The following TRPM8 variants were observed in gnomAD, a reference collection of about 807,000 sequenced individuals.
TRPM8 encodes transient receptor potential cation channel subfamily M member 8, also known as TRPM8 cationic channel.
In TRPM8, 110 loss-of-function variants were observed where a neutral mutation model predicts 133.7. The observed-to-expected ratio is 0.82, with a 90% CI of 0.70 to 0.96. The LOEUF (loss-of-function observed/expected upper bound fraction) is 0.96, where lower values mean the gene tolerates loss of function less well. Ranked by LOEUF, TRPM8 falls within the 40% of genes least tolerant of loss-of-function variation. The probability of loss-of-function intolerance (pLI) is 0.00; values close to 1 mark genes in which losing one functional copy is unlikely to be tolerated. For missense variants in TRPM8, 1,291 were observed against 1,379.5 expected (o/e 0.94, Z 1.02); for synonymous variants, 535 against 532.3 (o/e 1.01, Z -0.07).
intron 2 of TRPM8, among the ~76,000 whole-genome samples, chr2:233,927,295 C>T (rs1234432912): frequency 6.6e-6 from 1 of 152,216 alleles, no homozygotes; most frequent in East Asian, 1.9e-4. Flanking sequence ...TTTGATCTCA[C>T]TGGTGGGTTC....
Position 233,996,386 on chromosome 2 carries a change from C to T in TRPM8, c.3000C>T (p.Phe1000=). The T allele has an allele frequency of 1.2e-6, 2 of 1,614,224 alleles. No individual in the cohort carries two copies. Among genetic ancestry groups the T allele is most frequent in the East Asian group, 2.2e-5 (1 of 44,890 alleles). The change falls in exon 22 of 26, where the codon TTC becomes TTT. Residue 1000 remains phenylalanine (F), a synonymous_variant. Transcript: ENST00000324695. ...NDQVWKFQRY[F]LVQEYCSRLN... The stretch of plus-strand genomic sequence containing the variant: ...AGGTCTGGAAGTTCCAGAGGTACTT[C>T]CTGGTGCAGGAGTACTGCAGCCGCC...
intron 12 of TRPM8, among the ~76,000 whole-genome samples, chr2:233,962,058 CT>C (rs1374406653): frequency 1.3e-5 from 2 of 152,258 alleles, no homozygotes; most frequent in African/African-American, 4.8e-5. Context: ...AAACAGCTGC[CT>C]GCTGCCCATG....
intron 12 of TRPM8, among the ~76,000 whole-genome samples, chr2:233,961,630 CT>C (rs57935574): frequency 0.62 from 68,311 of 110,878 alleles, 19,619 homozygotes; most frequent in Middle Eastern, 0.78. Flanking sequence ...CTTTTCTTTT[CT>C]TTTTTTTTTT....
chr2:233,968,880 C>T (rs1691639571), intron 15 of TRPM8, among the ~76,000 whole-genome samples: 1 of 152,062 alleles, frequency 6.6e-6, no homozygotes, highest in South Asian at 2.1e-4. Flanking sequence ...AGAGCTTTTA[C>T]ATGCATTTCA....
chr2:233,960,651 A>G (rs1160803726), intron 11 of TRPM8, 125 bp from the exon 12 acceptor site: 2 of 725,628 alleles, frequency 2.8e-6, no homozygotes, highest in East Asian at 2.5e-5. Context: ...GGATTGAAAG[A>G]GAAGTTGAAG....
intron 1 of TRPM8, among the ~76,000 whole-genome samples, chr2:233,923,164 C>T (rs768022687): frequency 6.6e-6 from 1 of 152,142 alleles, no homozygotes; most frequent in East Asian, 1.9e-4. Flanking sequence ...CCACCGTGCC[C>T]GGCCATTTTT....
chr2:233,965,634 A>G (rs1691548224), intron 14 of TRPM8, among the ~76,000 whole-genome samples: 1 of 152,142 alleles, frequency 6.6e-6, no homozygotes, highest in South Asian at 2.1e-4. Context: ...TCAAATGTAA[A>G]CATGCTCATG....
intron 1 of TRPM8, among the ~76,000 whole-genome samples, chr2:233,919,104 T>G (rs891701306): frequency 6.6e-6 from 1 of 152,052 alleles, no homozygotes; most frequent in Admixed American, 6.6e-5. Context: ...AATGACACTT[T>G]AGGACTGATT....
In TRPM8 at chr2:233,944,826, G is replaced by A. The variant is rs562651792; in HGVS notation, c.700-1030G>A. ...ACATTTATATAATAGCACTTACTAT[G>A]TACTAGGTTCTATTCTAAGTGTATT... On this transcript the variant is annotated intron_variant, in intron 6 of 25. Transcript: ENST00000324695. 5.3e-5 allele frequency among the ~76,000 whole-genome samples: 8 copies of A among 152,210 alleles called. No individual in the cohort carries two copies. In the East Asian group the frequency reaches 1.5e-3, roughly 29 times the overall value.
At chr2:233,949,441 A>G (rs1359721999) in intron 8 of TRPM8, among the ~76,000 whole-genome samples, 1 of 152,218 alleles carries the variant, frequency 6.6e-6, no homozygotes, top group Non-Finnish European at 1.5e-5. Flanking sequence ...TTCTTTTTTA[A>G]TAACAGGAGC....
Position 233,970,365 on chromosome 2 carries a change from AC to A in TRPM8, c.2301del (p.Glu768SerfsTer16), listed in dbSNP as rs770879940. On this transcript the variant is annotated frameshift_variant, in exon 17 of 26. Coordinates refer to ENST00000324695, the MANE Select transcript of TRPM8 (RefSeq NM_024080.5). LOFTEE classifies it high-confidence loss of function. Reference sequence around the variant, plus strand: ...CTCATGGATTTCCATTCGGTGCCACACCCCCCCGAGCTGGTCCTGTACTCGC... The same window carrying A: ...CTCATGGATTTCCATTCGGTGCCACACCCCCCGAGCTGGTCCTGTACTCGC... ...VLLMDFHSVP[H>X]PPELVLYSLV... 5.6e-6 allele frequency: 9 copies of A among 1,612,424 alleles called. No individual in the cohort carries two copies. Among genetic ancestry groups the A allele is most frequent in the African/African-American group, 2.7e-5 (2 of 74,242 alleles).
At chr2:233,934,579 TCCAGCAGCATCC>T (rs950810901) in intron 3 of TRPM8, among the ~76,000 whole-genome samples, 26 of 152,192 alleles carry the variant, frequency 1.7e-4, no homozygotes, top group African/African-American at 6.0e-4. Flanking sequence ...TCCATGTATC[TCCAGCAGCATCC>T]CCAACCCCCA....
chr2:233,945,532 C>T (rs55780097), intron 6 of TRPM8, among the ~76,000 whole-genome samples: 2 of 152,218 alleles, frequency 1.3e-5, no homozygotes, highest in Middle Eastern at 3.4e-3. Context: ...TTCCTGAATG[C>T]TGAATTTGAA....
chr2:233,975,857 G>A (rs1691859582), intron 17 of TRPM8, among the ~76,000 whole-genome samples: 1 of 152,028 alleles, frequency 6.6e-6, no homozygotes, highest in African/African-American at 2.4e-5. Flanking sequence ...ACTCCAGCCT[G>A]GGTGACAGAG....
chr2:233,936,162 C>T lies in TRPM8; in HGVS notation c.192-1191C>T, dbSNP rs991859516. Among the ~76,000 whole-genome samples the T allele has an allele frequency of 3.3e-5, 5 of 152,126 alleles. No individual in the cohort carries two copies. In the South Asian group the frequency reaches 1.0e-3, roughly 32 times the overall value. Reference sequence around the variant, plus strand: ...AGGAGGTGTTTTGTTTGTTTCTCTGCACTTTGCCAGGTGTCATGCTTAGCT... The same window carrying T: ...AGGAGGTGTTTTGTTTGTTTCTCTGTACTTTGCCAGGTGTCATGCTTAGCT... On this transcript the variant is annotated intron_variant, in intron 3 of 25. Coordinates refer to ENST00000324695, the MANE Select transcript of TRPM8 (RefSeq NM_024080.5).
At chr2:233,940,506 T>C (rs546034010) in intron 5 of TRPM8, among the ~76,000 whole-genome samples, 23 of 152,318 alleles carry the variant, frequency 1.5e-4, no homozygotes, top group African/African-American at 5.1e-4. Context: ...AATTGTTTTA[T>C]GTGCTATGAA....
At chr2:233,929,623 TC>T (rs1482942075) in intron 2 of TRPM8, 1 of 152,164 alleles carries the variant, frequency 6.6e-6, no homozygotes, top group Non-Finnish European at 1.5e-5. Context: ...CAGCCCCACC[TC>T]CCCAGGGAAA....
At chr2:234,011,311 T>C (rs1374532932) in intron 24 of TRPM8, among the ~76,000 whole-genome samples, 2 of 152,224 alleles carry the variant, frequency 1.3e-5, no homozygotes, top group African/African-American at 4.8e-5. Context: ...TTCTATTCCA[T>C]TGGTCTATAG....
chr2:233,963,695 A>G (rs560938564), intron 13 of TRPM8, among the ~76,000 whole-genome samples: 1 of 152,310 alleles, frequency 6.6e-6, no homozygotes, highest in African/African-American at 2.4e-5. Flanking sequence ...CGCATTATGG[A>G]CGGGAGGTAG....
Sources: gnomAD v4.1 joint callset for allele counts (sites outside exome capture counted in the v4.1 genomes callset) on GRCh38, gnomAD v4.1.1 for gene constraint, MANE v1.5 for transcripts, NCBI Gene and HGNC (gene_info 2026-07-23, HGNC 2026-07-21) for gene names.